GRM8: variants seen among roughly 807,000 people sequenced by gnomAD.
GRM8 encodes glutamate metabotropic receptor 8.
A neutral mutation model predicts 87.2 loss-of-function variants in GRM8; 47 were observed. The ratio of observed to expected loss-of-function variants is 0.54; its 90% confidence interval spans 0.43 to 0.69. The LOEUF is 0.69. GRM8 is among the 30% of genes least tolerant of loss of function. GRM8 has a pLI of 0.00. For missense variants in GRM8, 1,019 were observed against 1,139.2 expected (o/e 0.89, Z 1.52); for synonymous variants, 396 against 404.5 (o/e 0.98, Z 0.25).
chr7:127,154,994 G>A (rs181170215), intron 2 of GRM8, among the ~76,000 whole-genome samples: 1 of 152,286 alleles, frequency 6.6e-6, no homozygotes, highest in East Asian at 1.9e-4. Context: ...ACCCCTGAAA[G>A]CCTGAAGAAG....
chr7:126,774,253 G>A (rs549127242), intron 6 of GRM8, among the ~76,000 whole-genome samples: 1 of 152,128 alleles, frequency 6.6e-6, no homozygotes, highest in African/African-American at 2.4e-5. Context: ...AGATTTTACA[G>A]CAGCTAGAAT....
intron 8 of GRM8, among the ~76,000 whole-genome samples, chr7:126,540,438 G>T (rs1816401318): frequency 6.6e-6 from 1 of 151,966 alleles, no homozygotes; most frequent in Non-Finnish European, 1.5e-5. Flanking sequence ...CCACTTCTAG[G>T]TATATACCAA....
intron 7 of GRM8, among the ~76,000 whole-genome samples, chr7:126,629,123 C>T (rs1800989485): frequency 6.6e-6 from 1 of 152,120 alleles, no homozygotes; most frequent in African/African-American, 2.4e-5. Context: ...TGCTATTGTG[C>T]CCATGGAGAA....
rs185023557 is a variant in GRM8 at position 127,235,500 on chromosome 7, T to G, written c.510+7195A>C. 1.3e-3 allele frequency among the ~76,000 whole-genome samples: 193 copies of G among 152,292 alleles called. 1 individual carries two copies. The highest frequency in any genetic ancestry group is 4.4e-3 in the African/African-American group (183 of 41,556). ...AAAATTCATTCTAGAGCTAATAGTA[T>G]TCGGATGAGGCTCTAGCATTGTTTC... On this transcript the variant is annotated intron_variant, in intron 2 of 10. Transcript: ENST00000339582.
intron 2 of GRM8, among the ~76,000 whole-genome samples, chr7:127,196,329 G>A (rs1489639569): frequency 6.6e-6 from 1 of 152,072 alleles, no homozygotes; most frequent in African/African-American, 2.4e-5. Context: ...GACCAGTCTG[G>A]CCAACATGGT....
intron 3 of GRM8, among the ~76,000 whole-genome samples, chr7:127,061,416 C>T (rs1251655829): frequency 6.6e-6 from 1 of 151,930 alleles, no homozygotes; most frequent in African/African-American, 2.4e-5. Flanking sequence ...CATTTTTAAC[C>T]AAAAAAATAC....
chr7:126,944,342 G>T (rs1807297841), intron 3 of GRM8, among the ~76,000 whole-genome samples: 1 of 152,182 alleles, frequency 6.6e-6, no homozygotes, highest in Non-Finnish European at 1.5e-5. Context: ...TCCCAAAGGT[G>T]TATTTTTCAA....
chr7:126,618,674 T>C (rs1799786060), intron 7 of GRM8, among the ~76,000 whole-genome samples: 1 of 151,926 alleles, frequency 6.6e-6, no homozygotes, highest in Non-Finnish European at 1.5e-5. Flanking sequence ...CTCAAACAAA[T>C]TTACAAGAAA....
intron 9 of GRM8, chr7:126,511,986 G>A (rs898325589): frequency 3.3e-5 from 5 of 152,076 alleles, no homozygotes; most frequent in African/African-American, 7.2e-5. Flanking sequence ...AGAATTAGCC[G>A]GTGTAGGAAG....
chr7:126,657,975 G>A (rs1053792268), intron 7 of GRM8, among the ~76,000 whole-genome samples: 1 of 152,238 alleles, frequency 6.6e-6, no homozygotes, highest in Admixed American at 6.5e-5. Context: ...GATGCTAACG[G>A]TTATATTAAT....
intron 9 of GRM8, among the ~76,000 whole-genome samples, chr7:126,505,197 C>T (rs150913632): frequency 7.2e-5 from 11 of 152,124 alleles, no homozygotes; most frequent in African/African-American, 1.4e-4. Context: ...AACAGTTCTG[C>T]GTTCCTTCTT....
chr7:126,765,327 A>G lies in GRM8; in HGVS notation c.1357+4538T>C, dbSNP rs556473171. On this transcript the variant is annotated intron_variant, in intron 7 of 10. Coordinates refer to ENST00000339582, the MANE Select transcript of GRM8 (RefSeq NM_000845.3). The stretch of plus-strand genomic sequence containing the variant: ...CAGTTCTTTCTTTAGACTCGTTTCT[A>G]TTCCCGCTATGCGGTTTCCTGATGC... Among the ~76,000 whole-genome samples the G allele has an allele frequency of 1.9e-3, 288 of 152,128 alleles. 1 individual carries two copies. Among genetic ancestry groups the G allele is most frequent in the Non-Finnish European group, 3.3e-3 (221 of 67,974 alleles).
chr7:126,891,000 C>G (rs1800948779), intron 6 of GRM8, among the ~76,000 whole-genome samples: 1 of 151,952 alleles, frequency 6.6e-6, no homozygotes, highest in Non-Finnish European at 1.5e-5. Flanking sequence ...ACCAAGTAAC[C>G]CTTCCCAGAC....
At chr7:127,239,969 C>A (rs991655003) in intron 2 of GRM8, among the ~76,000 whole-genome samples, 7 of 152,128 alleles carry the variant, frequency 4.6e-5, no homozygotes, top group African/African-American at 1.7e-4. Context: ...ACCAGTGAAC[C>A]GATCATGTTA....
At chr7:127,049,055 A>G (rs976942521) in intron 3 of GRM8, among the ~76,000 whole-genome samples, 1 of 152,156 alleles carries the variant, frequency 6.6e-6, no homozygotes, top group Non-Finnish European at 1.5e-5. Flanking sequence ...TAGAGTTTCA[A>G]ATTATATTCT....
At chr7:127,209,510 T>C (rs1796096403) in intron 2 of GRM8, among the ~76,000 whole-genome samples, 2 of 152,200 alleles carry the variant, frequency 1.3e-5, no homozygotes, top group Admixed American at 6.5e-5. Context: ...CCAGTCTAAA[T>C]TCCACACCTT....
At chr7:127,234,528 T>C (rs1413746723) in intron 2 of GRM8, among the ~76,000 whole-genome samples, 1 of 152,212 alleles carries the variant, frequency 6.6e-6, no homozygotes, top group Non-Finnish European at 1.5e-5. Flanking sequence ...GACAGAACAC[T>C]GTTAAATCTC....
chr7:126,742,931 C>G (rs1342047874), intron 7 of GRM8, among the ~76,000 whole-genome samples: 5 of 152,038 alleles, frequency 3.3e-5, no homozygotes, highest in Admixed American at 3.3e-4. Flanking sequence ...GGGACTCTAT[C>G]TTACATATCT....
At chr7:126,843,470 T>C (rs999952514) in intron 6 of GRM8, among the ~76,000 whole-genome samples, 1 of 152,200 alleles carries the variant, frequency 6.6e-6, no homozygotes, top group Non-Finnish European at 1.5e-5. Flanking sequence ...TTTTAACCAT[T>C]GACGAAGCTT....
Sources: allele counts gnomAD v4.1 joint callset (sites outside exome capture counted in the v4.1 genomes callset), GRCh38; gene constraint gnomAD v4.1.1; transcripts MANE v1.5; gene names NCBI Gene and HGNC (gene_info 2026-07-23, HGNC 2026-07-21).